Variants in MGAT4C observed in about 807,000 individuals in gnomAD.
MGAT4C encodes the protein alpha-1,3-mannosyl-glycoprotein 4-beta-N-acetylglucosaminyltransferase C.
In MGAT4C, 19 loss-of-function variants were observed where a neutral mutation model predicts 40.1. That is an observed-to-expected ratio of 0.47 (90% confidence interval 0.33 to 0.70). The LOEUF is 0.70. MGAT4C is among the 30% of genes least tolerant of loss of function. MGAT4C has a pLI of 0.02. For synonymous variants in MGAT4C, 181 were observed against 187.1 expected, an observed-to-expected ratio of 0.97 and a Z score of 0.27; for missense variants, 491 against 563.2, an observed-to-expected ratio of 0.87 and a Z score of 1.30.
At chr12:86,097,445 A>G (rs1394191210) in intron 1 of MGAT4C, among the ~76,000 whole-genome samples, 1 of 151,676 alleles carries the variant, frequency 6.6e-6, no homozygotes, top group East Asian at 1.9e-4. Context: ...AATTACTGGT[A>G]TCAACATTTC....
intron 4 of MGAT4C, among the ~76,000 whole-genome samples, chr12:86,331,810 C>T (rs1211357716): frequency 6.6e-6 from 1 of 152,084 alleles, no homozygotes; most frequent in Non-Finnish European, 1.5e-5. Context: ...ATAATCTGAG[C>T]AGCAAATGTT....
chr12:86,288,161 C>T (rs7963957), intron 4 of MGAT4C, among the ~76,000 whole-genome samples: 113,633 of 152,076 alleles, frequency 0.75, 43,625 homozygotes, highest in Non-Finnish European at 0.83. Context: ...TTGAGAAGTG[C>T]CTGTTCATAT....
At chr12:86,779,641 C>A (rs556733214) in intron 1 of MGAT4C, among the ~76,000 whole-genome samples, 6 of 151,616 alleles carry the variant, frequency 4.0e-5, no homozygotes, top group Admixed American at 2.6e-4. Flanking sequence ...AGGCCGGGAG[C>A]GGTGGCTTAC....
chr12:86,638,881 T>C (rs964904813), intron 2 of MGAT4C, among the ~76,000 whole-genome samples: 3 of 151,814 alleles, frequency 2.0e-5, no homozygotes, highest in Non-Finnish European at 2.9e-5. Flanking sequence ...ATAGCATTCA[T>C]TACATGGAAT....
intron 1 of MGAT4C, among the ~76,000 whole-genome samples, chr12:86,068,913 C>T (rs73175626): frequency 6.6e-6 from 1 of 152,058 alleles, no homozygotes; most frequent in Non-Finnish European, 1.5e-5. Flanking sequence ...CTGTGAAGTC[C>T]CTCTGTAAGA....
intron 4 of MGAT4C, among the ~76,000 whole-genome samples, chr12:86,301,899 T>A (rs1004425141): frequency 1.3e-5 from 2 of 152,254 alleles, no homozygotes; most frequent in Admixed American, 1.3e-4. Context: ...AATCTTAGAA[T>A]TGATAACATG....
chr12:86,072,026 TTGTGTGTG>T (rs71076158), intron 1 of MGAT4C, among the ~76,000 whole-genome samples: 77,957 of 148,930 alleles, frequency 0.52, 20,940 homozygotes, highest in South Asian at 0.79. Context: ...GCATAGGGTT[TTGTGTGTG>T]TGTGTGTGTG....
At position 86,136,666 on chromosome 12, in the gene MGAT4C, C is replaced by T. The variant is rs189549448; in HGVS notation, c.-56-86943G>A. Among the ~76,000 whole-genome samples the T allele has an allele frequency of 9.9e-5, 15 of 152,128 alleles. No individual in the cohort carries two copies. In the East Asian group the frequency reaches 2.1e-3, roughly 22 times the overall value. On this transcript the variant is annotated intron_variant, in intron 1 of 4. Transcript: ENST00000611864. The stretch of plus-strand genomic sequence containing the variant: ...AACATTTCCTACATTCTCTTATCCA[C>T]TCATATCTTTGTTTTTTTGTTTTTG...
At chr12:86,526,139 G>A (rs956366780) in intron 2 of MGAT4C, among the ~76,000 whole-genome samples, 9 of 152,178 alleles carry the variant, frequency 5.9e-5, no homozygotes, top group African/African-American at 2.2e-4. Context: ...TGTTGGGCAA[G>A]GGTGGTTGCT....
chr12:86,078,873 A>G (rs1870296889), intron 1 of MGAT4C, among the ~76,000 whole-genome samples: 1 of 152,214 alleles, frequency 6.6e-6, no homozygotes, highest in African/African-American at 2.4e-5. Flanking sequence ...GAGCACTCTC[A>G]TGGGATACAA....
intron 2 of MGAT4C, among the ~76,000 whole-genome samples, chr12:86,505,903 T>C (rs1958464957): frequency 6.6e-6 from 1 of 151,952 alleles, no homozygotes; most frequent in Non-Finnish European, 1.5e-5. Context: ...TTTAAATAAA[T>C]CTAGATTTTA....
At chr12:86,208,176 T>A (rs1197700534) in intron 1 of MGAT4C, among the ~76,000 whole-genome samples, 1 of 152,178 alleles carries the variant, frequency 6.6e-6, no homozygotes, top group Non-Finnish European at 1.5e-5. Context: ...AGAAAACCTG[T>A]AAATTCAAGC....
At chr12:86,225,927 T>C (rs981438217) in intron 1 of MGAT4C, among the ~76,000 whole-genome samples, 7 of 151,992 alleles carry the variant, frequency 4.6e-5, no homozygotes, top group African/African-American at 1.7e-4. Context: ...AACATAGTAG[T>C]GGAAGTCCTA....
At chr12:86,200,130 T>G (rs948761193) in intron 1 of MGAT4C, among the ~76,000 whole-genome samples, 1 of 83,742 alleles carries the variant, frequency 1.2e-5, no homozygotes, top group African/African-American at 2.9e-5. Context: ...TGTATTTGTT[T>G]TTTTTTTTTT....
intron 4 of MGAT4C, among the ~76,000 whole-genome samples, chr12:86,315,274 G>A (rs971347183): frequency 1.3e-5 from 2 of 152,126 alleles, no homozygotes; most frequent in African/African-American, 2.4e-5. Flanking sequence ...AAGCACTCCT[G>A]ATTAAATAAA....
chr12:86,421,708 C>T (rs1025554431), intron 3 of MGAT4C, among the ~76,000 whole-genome samples: 4 of 152,054 alleles, frequency 2.6e-5, no homozygotes, highest in African/African-American at 4.8e-5. Context: ...ACCCAGGAGG[C>T]GGAAATTGCA....
chr12:86,780,834 A>G (rs1044013754), intron 1 of MGAT4C, among the ~76,000 whole-genome samples: 1 of 152,098 alleles, frequency 6.6e-6, no homozygotes, highest in Admixed American at 6.6e-5. Flanking sequence ...CTGAGTCTCC[A>G]ATGTCTGTTA....
chr12:86,080,522 A>G (rs1029310894), intron 1 of MGAT4C, among the ~76,000 whole-genome samples: 2 of 152,172 alleles, frequency 1.3e-5, no homozygotes, highest in Non-Finnish European at 2.9e-5. Context: ...GAAGGAACAT[A>G]AAGTATCCTC....
intron 4 of MGAT4C, among the ~76,000 whole-genome samples, chr12:86,296,267 G>T (rs139094647): frequency 2.6e-5 from 4 of 151,984 alleles, no homozygotes; most frequent in African/African-American, 9.6e-5. Flanking sequence ...GCTGATTGGT[G>T]TATTTACAAT....
Sources: allele counts gnomAD v4.1 joint callset (sites outside exome capture counted in the v4.1 genomes callset), GRCh38; gene constraint gnomAD v4.1.1; transcripts MANE v1.5; gene names NCBI Gene and HGNC (gene_info 2026-07-23, HGNC 2026-07-21).